NPAS3: variants seen among roughly 807,000 people sequenced by gnomAD.
The protein encoded by NPAS3 is neuronal PAS domain protein 3.
A neutral mutation model predicts 73.1 loss-of-function variants in NPAS3; 14 were observed. The ratio of observed to expected loss-of-function variants is 0.19; its 90% CI spans 0.13 to 0.30. The LOEUF is 0.30. Among genes scored for constraint, NPAS3 ranks in the 10% least tolerant of loss-of-function variants. The probability of loss-of-function intolerance (pLI) is 1.00; values close to 1 mark genes in which losing one functional copy is unlikely to be tolerated. For synonymous variants in NPAS3, 620 were observed against 541.5 expected, an observed-to-expected ratio of 1.14 and a Z score of -2.01; for missense variants, 1,096 against 1,250.0, an observed-to-expected ratio of 0.88 and a Z score of 1.86.
chr14:33,192,232 G>GA (rs1398149793), intron 2 of NPAS3, among the ~76,000 whole-genome samples: 1 of 152,034 alleles, frequency 6.6e-6, no homozygotes, highest in Non-Finnish European at 1.5e-5. Context: ...GATTCAATGA[G>GA]AAAAACAATA....
chr14:33,439,988 C>A (rs2049168391), intron 4 of NPAS3, among the ~76,000 whole-genome samples: 1 of 151,858 alleles, frequency 6.6e-6, no homozygotes, highest in Non-Finnish European at 1.5e-5. Context: ...TGGTGGCGGG[C>A]GCCTGTAGTC....
rs139282743 is a variant in NPAS3, at chr14:33,253,043, G to A, written c.385+37617G>A. Among the ~76,000 whole-genome samples the A allele has an allele frequency of 2.6e-4, 39 of 152,144 alleles. No individual in the cohort carries two copies. The East Asian group carries it at 5.8e-3, about 23-fold the overall frequency. On this transcript the variant is annotated intron_variant, in intron 3 of 11. Transcript: ENST00000356141. ...CAACCACTGATGGACAGTTAGGTTC[G>A]TTCCATGACTTTGCTATTGGGAATA...
chr14:33,486,765 T>A (rs140464588), intron 4 of NPAS3, among the ~76,000 whole-genome samples: 49 of 152,226 alleles, frequency 3.2e-4, no homozygotes, highest in African/African-American at 1.2e-3. Flanking sequence ...TGGGGACTCC[T>A]GCTTTTAGAA....
chr14:33,047,328 A>G (rs1163277781), intron 1 of NPAS3, among the ~76,000 whole-genome samples: 1 of 152,194 alleles, frequency 6.6e-6, no homozygotes. Flanking sequence ...TTAATATGTG[A>G]TACCCACCCA....
intron 9 of NPAS3, among the ~76,000 whole-genome samples, chr14:33,792,513 G>A (rs1015969273): frequency 6.7e-5 from 10 of 148,876 alleles, no homozygotes; most frequent in Non-Finnish European, 1.3e-4. Context: ...AAGATGAGAA[G>A]AGCTTCCACA....
At chr14:33,642,708 A>G (rs1031484406) in intron 5 of NPAS3, among the ~76,000 whole-genome samples, 2 of 152,072 alleles carry the variant, frequency 1.3e-5, no homozygotes, top group Admixed American at 1.3e-4. Flanking sequence ...GTGTGCACCT[A>G]TTTTTTTAAT....
chr14:32,961,402 T>A lies in NPAS3; in HGVS notation c.50+22036T>A, dbSNP rs569584814. Among the ~76,000 whole-genome samples, 181 of 147,768 alleles carry A rather than the reference T, an allele frequency of 1.2e-3. 3 individuals are homozygous for A. Among genetic ancestry groups the A allele is most frequent in the Non-Finnish European group, 2.0e-3 (133 of 67,090 alleles). ...CTCCAGCCTGGTGACAGAGCAAGAC[T>A]TCATCTCAAAAAAAAAAAAAAAAGA... On this transcript the variant is annotated intron_variant, in intron 1 of 11. Coordinates refer to ENST00000356141, the Ensembl canonical transcript of NPAS3.
At chr14:33,657,485 A>T (rs1286184579) in intron 5 of NPAS3, among the ~76,000 whole-genome samples, 1 of 152,228 alleles carries the variant, frequency 6.6e-6, no homozygotes, top group Non-Finnish European at 1.5e-5. Context: ...GTAGTTTCTT[A>T]AGTTCCTGGA....
chr14:33,129,310 G>A (rs1443677253), intron 2 of NPAS3, among the ~76,000 whole-genome samples: 1 of 152,134 alleles, frequency 6.6e-6, no homozygotes, highest in East Asian at 1.9e-4. Flanking sequence ...ATCAACCATT[G>A]TCAGTGTATG....
intron 4 of NPAS3, among the ~76,000 whole-genome samples, chr14:33,431,644 G>A (rs1462627988): frequency 6.6e-6 from 1 of 151,970 alleles, no homozygotes; most frequent in Non-Finnish European, 1.5e-5. Context: ...ATCTTCTTTA[G>A]GGATCTAGAG....
At chr14:33,075,102 A>G (rs1469975559) in intron 2 of NPAS3, among the ~76,000 whole-genome samples, 1 of 152,200 alleles carries the variant, frequency 6.6e-6, no homozygotes, top group East Asian at 1.9e-4. Flanking sequence ...GTAACACCAG[A>G]ATCTCAGCAT....
At chr14:33,118,853 A>G (rs999267225) in intron 2 of NPAS3, among the ~76,000 whole-genome samples, 5 of 151,788 alleles carry the variant, frequency 3.3e-5, no homozygotes, top group African/African-American at 4.8e-5. Flanking sequence ...AGGGCAAGAC[A>G]GCTCAGCAAA....
At chr14:33,485,865 C>T (rs1433786113) in intron 4 of NPAS3, among the ~76,000 whole-genome samples, 2 of 152,106 alleles carry the variant, frequency 1.3e-5, no homozygotes, top group East Asian at 1.9e-4. Flanking sequence ...TCTCTCTCTG[C>T]CCCAAGGAGG....
chr14:33,143,178 T>C (rs2044116863), intron 2 of NPAS3, among the ~76,000 whole-genome samples: 1 of 151,364 alleles, frequency 6.6e-6, no homozygotes, highest in South Asian at 2.1e-4. Context: ...TTTTTGCCAC[T>C]TACAGTTTAT....
intron 1 of NPAS3, among the ~76,000 whole-genome samples, chr14:33,037,488 A>G (rs1168740239): frequency 2.0e-5 from 3 of 151,214 alleles, no homozygotes; most frequent in African/African-American, 7.3e-5. Context: ...CAGCAAAAAA[A>G]AAAAAAGAAA....
intron 3 of NPAS3, among the ~76,000 whole-genome samples, chr14:33,247,480 G>A (rs2048433335): frequency 3.9e-5 from 6 of 152,160 alleles, no homozygotes. Flanking sequence ...GAGACTGGTT[G>A]CCTTAAAAAC....
At chr14:33,311,182 G>T (rs997310679) in intron 3 of NPAS3, among the ~76,000 whole-genome samples, 1 of 152,140 alleles carries the variant, frequency 6.6e-6, no homozygotes, top group East Asian at 1.9e-4. Flanking sequence ...CTGGATGTTT[G>T]TCGTCCTGTC....
chr14:33,445,501 A>G (rs564733678), intron 4 of NPAS3, among the ~76,000 whole-genome samples: 1 of 152,324 alleles, frequency 6.6e-6, no homozygotes, highest in Admixed American at 6.5e-5. Flanking sequence ...TAATTTCTCT[A>G]TCTTGAGCCA....
chr14:33,130,761 C>T (rs997703733), intron 2 of NPAS3, among the ~76,000 whole-genome samples: 3 of 152,088 alleles, frequency 2.0e-5, no homozygotes, highest in Non-Finnish European at 4.4e-5. Flanking sequence ...TATTCAGGTT[C>T]TTCATTTTGT....
Sources: gnomAD v4.1 joint callset for allele counts (sites outside exome capture counted in the v4.1 genomes callset) on GRCh38, gnomAD v4.1.1 for gene constraint, MANE v1.5 for transcripts, NCBI Gene and HGNC (gene_info 2026-07-23, HGNC 2026-07-21) for gene names.